The following STK3 variants were observed in gnomAD, a reference collection of about 807,000 sequenced individuals.
STK3 encodes serine/threonine-protein kinase 3.
A neutral mutation model predicts 58.0 loss-of-function variants in STK3; 41 were observed. That is an observed-to-expected ratio of 0.71 (90% CI 0.55 to 0.92). STK3 has a LOEUF of 0.92. Ranked by LOEUF, STK3 falls within the 40% of genes least tolerant of loss-of-function variation. STK3 has a pLI of 0.00. For missense variants in STK3, 479 were observed against 602.7 expected (o/e 0.79, Z 2.15); for synonymous variants, 170 against 191.0 (o/e 0.89, Z 0.91).
chr8:98,515,086 T>C (rs1824826593), intron 10 of STK3, among the ~76,000 whole-genome samples: 1 of 152,132 alleles, frequency 6.6e-6, no homozygotes, highest in Non-Finnish European at 1.5e-5. Context: ...TCTTCTCTAA[T>C]TCCACTATCT....
intron 8 of STK3, among the ~76,000 whole-genome samples, chr8:98,549,979 C>T (rs1811029590): frequency 6.6e-6 from 1 of 152,122 alleles, no homozygotes; most frequent in African/African-American, 2.4e-5. Flanking sequence ...TGCTCTCCAG[C>T]CGGGGTGACA....
At chr8:98,717,191 A>T (rs929026240) in intron 4 of STK3, among the ~76,000 whole-genome samples, 8 of 147,024 alleles carry the variant, frequency 5.4e-5, no homozygotes, top group East Asian at 2.0e-4. Flanking sequence ...CATGAAAATT[A>T]AAAAAAAAAA....
intron 6 of STK3, among the ~76,000 whole-genome samples, chr8:98,695,010 C>T (rs1824751698): frequency 2.0e-5 from 3 of 152,264 alleles, no homozygotes; most frequent in South Asian, 2.1e-4. Context: ...TCTCCAGCAC[C>T]TGTTGTTTCC....
At chr8:98,798,532 C>T (rs1335310648) in intron 1 of STK3, among the ~76,000 whole-genome samples, 1 of 152,158 alleles carries the variant, frequency 6.6e-6, no homozygotes, top group African/African-American at 2.4e-5. Context: ...GAACAAGTTA[C>T]CCACAAAGTA....
At chr8:98,485,241 C>CA (rs34109020) in intron 10 of STK3, among the ~76,000 whole-genome samples, 60,598 of 146,912 alleles carry the variant, frequency 0.41, 12,320 homozygotes, top group Admixed American at 0.54. Context: ...AACTGCGTCT[C>CA]AAAAAAAAAA....
At chr8:98,568,063 TGATAGATA>T (rs10528436) in intron 8 of STK3, among the ~76,000 whole-genome samples, 13,346 of 146,486 alleles carry the variant, frequency 0.091, 638 homozygotes, top group Non-Finnish European at 0.11. Context: ...CTTAGATAGA[TGATAGATA>T]GATAGATAGA....
intron 3 of STK3, among the ~76,000 whole-genome samples, chr8:98,837,017 AAAG>A (rs1835770942): frequency 6.6e-6 from 1 of 152,222 alleles, no homozygotes; most frequent in African/African-American, 2.4e-5. Flanking sequence ...TACACTCATG[AAAG>A]AAGGAGACTG....
At chr8:98,813,035 T>TAAA (rs11379449) in intron 1 of STK3, among the ~76,000 whole-genome samples, 6 of 146,518 alleles carry the variant, frequency 4.1e-5, no homozygotes, top group African/African-American at 1.2e-4. Flanking sequence ...TAAAGCACAA[T>TAAA]AAAAAAAAAA....
At chr8:98,691,865 G>C (rs1355256023) in intron 6 of STK3, among the ~76,000 whole-genome samples, 1 of 151,418 alleles carries the variant, frequency 6.6e-6, no homozygotes, top group Non-Finnish European at 1.5e-5. Context: ...CTGGGAGGTG[G>C]AGGTTGCAGT....
chr8:98,521,913 G>A lies in STK3; in HGVS notation c.1317+4829C>T, dbSNP rs544592738. Among the ~76,000 whole-genome samples the A allele has an allele frequency of 3.9e-4, 59 of 152,112 alleles. 1 individual carries two copies. The highest frequency in any genetic ancestry group is 1.4e-3 in the African/African-American group (59 of 41,502). The stretch of plus-strand genomic sequence containing the variant: ...ATCTCCCTCTTATTCAAAACCACAT[G>A]GCAATGTCTGAGTTATTGTTCTGGA... On this transcript the variant is annotated intron_variant, in intron 10 of 10. Transcript: ENST00000419617.
intron 1 of STK3, among the ~76,000 whole-genome samples, chr8:98,784,420 A>G (rs1278078853): frequency 6.6e-6 from 1 of 152,228 alleles, no homozygotes; most frequent in African/African-American, 2.4e-5. Context: ...AGCCAGATCC[A>G]GCTTAGCAAC....
rs1255341726 is a variant in STK3 at position 98,428,193 on chromosome 8, G to C, written n.483+5934C>G. On this transcript the variant is annotated intron_variant and non_coding_transcript_variant, in intron 3 of 3. Transcript: ENST00000517832. This position sits in a 1 kb window ranked among gnomAD's most constrained non-coding sequence, Gnocchi z 6.7. ...CGACGTCCAGCGGGAGTTCTACTTCGACCGCAACCCTGAGCTCTTCCCCTA... is the reference window on the plus strand; with the variant it reads ...CGACGTCCAGCGGGAGTTCTACTTCCACCGCAACCCTGAGCTCTTCCCCTA... The C allele has an allele frequency of 6.2e-7, 1 of 1,613,986 alleles. No homozygotes were observed.
chr8:98,528,444 T>A (rs184602907), intron 9 of STK3, among the ~76,000 whole-genome samples: 74 of 152,224 alleles, frequency 4.9e-4, no homozygotes, highest in African/African-American at 1.7e-3. Context: ...AAGAAGGCAT[T>A]TCCCATATAA....
chr8:98,734,051 G>C (rs1017403737), intron 4 of STK3, among the ~76,000 whole-genome samples: 3 of 152,132 alleles, frequency 2.0e-5, no homozygotes, highest in African/African-American at 7.2e-5. Flanking sequence ...CACAGCGGGA[G>C]AGAGGATGAA....
At chr8:98,586,399 T>G (rs1814598086) in intron 7 of STK3, among the ~76,000 whole-genome samples, 1 of 151,454 alleles carries the variant, frequency 6.6e-6, no homozygotes, top group Non-Finnish European at 1.5e-5. Context: ...TGGATTACAT[T>G]TATTGATTTG....
chr8:98,514,441 T>C (rs1417486093), intron 10 of STK3, among the ~76,000 whole-genome samples: 2 of 152,036 alleles, frequency 1.3e-5, no homozygotes, highest in African/African-American at 2.4e-5. Flanking sequence ...TGTGGTAGGA[T>C]GAATGCTCAA....
At position 98,433,428 on chromosome 8, in the gene STK3, TAA is replaced by T. The variant is rs376413397; in HGVS notation, n.483+697_483+698del. On this transcript the variant is annotated intron_variant and non_coding_transcript_variant, in intron 3 of 3. Coordinates refer to the STK3 transcript ENST00000517832. ...CATAGAGACACTTCTTGGCATTACT[TAA>T]AATAGACTGAGTATGGGCCGGTCCA... is the stretch of plus-strand genomic sequence containing the variant. Among the ~76,000 whole-genome samples the T allele has an allele frequency of 3.9e-5, 6 of 152,202 alleles. No individual in the cohort carries two copies. The East Asian group carries it at 1.2e-3, about 29-fold the overall frequency.
intron 6 of STK3, among the ~76,000 whole-genome samples, chr8:98,699,453 T>G (rs1825337125): frequency 6.6e-6 from 1 of 152,098 alleles, no homozygotes; most frequent in African/African-American, 2.4e-5. Flanking sequence ...TTTTAGAGTT[T>G]CCAGTTTTTC....
chr8:98,926,847 C>A (rs537670323), intron 1 of STK3, among the ~76,000 whole-genome samples: 2 of 152,262 alleles, frequency 1.3e-5, no homozygotes, highest in South Asian at 4.1e-4. Flanking sequence ...CTTAGGTGTG[C>A]TATGGTACCA....
Sources: gnomAD v4.1 joint callset for allele counts (sites outside exome capture counted in the v4.1 genomes callset) on GRCh38, gnomAD v4.1.1 for gene constraint, Gnocchi (gnomAD v3.1) non-coding constraint, MANE v1.5 for transcripts, NCBI Gene and HGNC (gene_info 2026-07-23, HGNC 2026-07-21) for gene names.